The following KIF2C variants were observed in gnomAD, a reference collection of about 807,000 sequenced individuals.
The protein encoded by KIF2C is kinesin family member 2C, also known as kinesin-like protein KIF2C.
A neutral mutation model predicts 97.4 loss-of-function variants in KIF2C; 34 were observed. The ratio of observed to expected loss-of-function variants is 0.35; its 90% CI spans 0.27 to 0.46. KIF2C has a LOEUF of 0.46. KIF2C is among the 20% of genes least tolerant of loss of function. KIF2C has a pLI of 1.00. For missense variants in KIF2C, 750 were observed against 907.6 expected (o/e 0.83, Z 2.23); for synonymous variants, 313 against 318.2 (o/e 0.98, Z 0.17).
chr1:44,758,627 C>T (rs1437372505), intron 13 of KIF2C, among the ~76,000 whole-genome samples: 2 of 152,120 alleles, frequency 1.3e-5, no homozygotes, highest in African/African-American at 4.8e-5. Context: ...GTAATCCCAG[C>T]ACTTTGGGAG....
chr1:44,757,824 G>A (rs920599021), intron 11 of KIF2C, 84 bp from the exon 12 acceptor site: 38 of 1,398,374 alleles, frequency 2.7e-5, no homozygotes, highest in Non-Finnish European at 3.9e-5. Context: ...GCTTTGTTGT[G>A]GCCCACTGTA....
chr1:44,750,408 C>A, intron 4 of KIF2C, 34 bp from the exon 5 acceptor site: 1 of 1,387,806 alleles, frequency 7.2e-7, no homozygotes, highest in Non-Finnish European at 9.4e-7. Context: ...CGAGATCGTG[C>A]AGCACTGACT....
At chr1:44,766,682 T>G (rs1272480004) in intron 19 of KIF2C, 144 bp from the exon 20 acceptor site, 1 of 800,420 alleles carries the variant, frequency 1.2e-6, no homozygotes, top group Admixed American at 2.9e-5. Flanking sequence ...AAGGATTTCC[T>G]TGGGGAGAGG....
rs1437230542 is a variant in KIF2C, at chr1:44,759,434, CAGAGT to C, written c.1367+87_1367+91del. On this transcript the variant is annotated intron_variant, in intron 14 of 20. Transcript: ENST00000372224. ...AGCTCTGAGCACATTTCTGTTTACC[CAGAGT>C]GCTGCTTTGCCCAGTTTGGTAAGGG... The C allele has an allele frequency of 3.3e-6, 5 of 1,538,214 alleles. No homozygotes were observed. The Admixed American group carries it at 5.1e-5, about 16-fold the overall frequency.
intron 19 of KIF2C, among the ~76,000 whole-genome samples, chr1:44,763,831 C>T (rs948775386): frequency 6.6e-6 from 1 of 152,048 alleles, no homozygotes; most frequent in Admixed American, 6.6e-5. Flanking sequence ...GTCAGGAGTT[C>T]GAGACCAGCC....
chr1:44,741,640 G>A (rs931882354), intron 2 of KIF2C, among the ~76,000 whole-genome samples: 3 of 151,974 alleles, frequency 2.0e-5, no homozygotes, highest in Admixed American at 1.3e-4. Context: ...AACCATGATC[G>A]AGCCACTGCA....
At chr1:44,766,323 GA>G (rs1213141282) in intron 19 of KIF2C, among the ~76,000 whole-genome samples, 1 of 152,098 alleles carries the variant, frequency 6.6e-6, no homozygotes, top group Non-Finnish European at 1.5e-5. Context: ...ATAAGCTTGG[GA>G]TAGGAGGCCG....
chr1:44,746,715 G>A (rs754481518), intron 2 of KIF2C: 16 of 1,609,254 alleles, frequency 9.9e-6, no homozygotes, highest in East Asian at 4.5e-5. Flanking sequence ...CATCACTGAC[G>A]TCTACCATTG....
intron 2 of KIF2C, among the ~76,000 whole-genome samples, chr1:44,747,031 G>T (rs1649237445): frequency 6.6e-6 from 1 of 151,962 alleles, no homozygotes. Flanking sequence ...GGGGGGGCCA[G>T]GCACAGTGGC....
At position 44,753,229 on chromosome 1, in the gene KIF2C, C is replaced by T. The variant is rs770013359; in HGVS notation, c.537C>T (p.Ser179=). ...AGCAAGTCCATTCCATCCGAGGCAG[C>T]TCTTCTGCAAACCCTGTGAACTCAG... The part of the protein sequence containing the change: ...MEEQVHSIRG[S]SSANPVNSVR... The change falls in exon 6 of 21, where the codon AGC becomes AGT. Residue 179 remains serine, a synonymous_variant. Transcript: ENST00000372224. 7.4e-6 allele frequency: 12 copies of T among 1,613,562 alleles called. No individual in the cohort carries two copies. The Admixed American group carries it at 2.0e-4, about 27-fold the overall frequency.
Position 44,756,064 on chromosome 1 carries a change from T to C in KIF2C, c.815-11T>C, listed in dbSNP as rs1361780162. The C allele has an allele frequency of 1.2e-6, 2 of 1,614,130 alleles. No individual in the cohort carries two copies. The highest frequency in any genetic ancestry group is 1.7e-6 in the Non-Finnish European group (2 of 1,180,000). On this transcript the variant is annotated splice_polypyrimidine_tract_variant and intron_variant, in intron 9 of 20. Transcript: ENST00000372224. ...CCAGGGAGCACCCCCTGAAATACTC[T>C]CCTTCTGCAGAATTGGCCAAGAAAG...
intron 5 of KIF2C, 116 bp from the exon 6 acceptor site, chr1:44,753,016 G>T: frequency 7.8e-7 from 1 of 1,287,566 alleles, no homozygotes. Context: ...TGCACATACT[G>T]TAAGCCTTAC....
Position 44,759,963 on chromosome 1 carries a change from G to A in KIF2C, c.1368-317G>A, listed in dbSNP as rs117051448. Among the ~76,000 whole-genome samples, 720 of 152,266 alleles carry A rather than the reference G, an allele frequency of 4.7e-3. 4 individuals carry two copies. The highest frequency in any genetic ancestry group is 6.8e-3 in the East Asian group (35 of 5,176). Reference sequence around the variant, plus strand: ...ACAGGGTCCTCAAGTTCTGGCAGGTGGTTCATGACAGCTTCCCCCTTCCCT... The same window carrying A: ...ACAGGGTCCTCAAGTTCTGGCAGGTAGTTCATGACAGCTTCCCCCTTCCCT... On this transcript the variant is annotated intron_variant, in intron 14 of 20. Transcript: ENST00000372224.
intron 5 of KIF2C, among the ~76,000 whole-genome samples, chr1:44,751,455 C>G (rs1191972396): frequency 1.3e-5 from 2 of 150,844 alleles, no homozygotes; most frequent in Non-Finnish European, 2.9e-5. Context: ...CTCGGCTTCC[C>G]AAAGTTCTGG....
At chr1:44,740,688 C>G (rs965423536) in intron 1 of KIF2C, among the ~76,000 whole-genome samples, 1 of 151,974 alleles carries the variant, frequency 6.6e-6, no homozygotes, top group Admixed American at 6.6e-5. Context: ...GAATCCTTAT[C>G]CCATGCAGCT....
chr1:44,759,771 T>C (rs1363739893), intron 14 of KIF2C, among the ~76,000 whole-genome samples: 1 of 152,182 alleles, frequency 6.6e-6, no homozygotes, highest in African/African-American at 2.4e-5. Context: ...TGCTCTTCCC[T>C]CCCTTTGTGG....
At chr1:44,745,233 T>G (rs1649123114) in intron 2 of KIF2C, among the ~76,000 whole-genome samples, 1 of 151,654 alleles carries the variant, frequency 6.6e-6, no homozygotes, top group Non-Finnish European at 1.5e-5. Context: ...GTTTATGCTC[T>G]CTGTAGTTTA....
chr1:44,740,704 T>A (rs1648887852), intron 1 of KIF2C, among the ~76,000 whole-genome samples: 1 of 152,006 alleles, frequency 6.6e-6, no homozygotes, highest in African/African-American at 2.4e-5. Flanking sequence ...CAGCTCAGTT[T>A]AAAAACCTGT....
intron 17 of KIF2C, 180 bp downstream of exon 17, chr1:44,762,163 C>A (rs1310250945): frequency 2.4e-6 from 2 of 838,524 alleles, no homozygotes; most frequent in African/African-American, 1.7e-5. Context: ...CCGGGCCCTG[C>A]TGGAGAGTCA....
Sources: gnomAD v4.1 joint callset for allele counts (sites outside exome capture counted in the v4.1 genomes callset) on GRCh38, gnomAD v4.1.1 for gene constraint, MANE v1.5 for transcripts, NCBI Gene and HGNC (gene_info 2026-07-23, HGNC 2026-07-21) for gene names.